The following TXNRD2 variants were observed in gnomAD, a reference collection of about 807,000 sequenced individuals.
TXNRD2 encodes the protein thioredoxin reductase 2, mitochondrial.
In TXNRD2, 67 loss-of-function variants were observed where a neutral mutation model predicts 70.8. The ratio of observed to expected loss-of-function variants is 0.95; its 90% CI spans 0.78 to 1.16. The LOEUF (loss-of-function observed/expected upper bound fraction) is 1.16, where lower values mean the gene tolerates loss of function less well. Ranked by LOEUF, TXNRD2 falls within the 50% of genes most tolerant of loss-of-function variation. TXNRD2 has a pLI of 0.00. For synonymous variants in TXNRD2, 301 were observed against 295.8 expected (o/e 1.02, Z -0.18); for missense variants, 644 against 719.9 (o/e 0.89, Z 1.21).
intron 8 of TXNRD2, among the ~76,000 whole-genome samples, chr22:19,905,929 A>G (rs1304386994): frequency 6.6e-6 from 1 of 151,930 alleles, no homozygotes; most frequent in African/African-American, 2.4e-5. Flanking sequence ...AAAAAAAAAA[A>G]AAATCTTGGG....
chr22:19,878,049 A>C (rs376672570), intron 16 of TXNRD2, 41 bp downstream of exon 16: 2 of 1,540,492 alleles, frequency 1.3e-6, no homozygotes, highest in East Asian at 2.3e-5. Flanking sequence ...AGGGATACCC[A>C]GCTGCACATC....
chr22:19,884,980 G>A (rs1321554755), intron 11 of TXNRD2, among the ~76,000 whole-genome samples: 1 of 152,186 alleles, frequency 6.6e-6, no homozygotes, highest in Non-Finnish European at 1.5e-5. Flanking sequence ...GGGGGCAGCT[G>A]GCTCAGCTGA....
intron 1 of TXNRD2, among the ~76,000 whole-genome samples, chr22:19,934,914 G>C (rs544232620): frequency 1.1e-3 from 174 of 152,224 alleles, no homozygotes; most frequent in African/African-American, 4.1e-3. Flanking sequence ...TCTTAATCCT[G>C]TTATCTTCAT....
intron 8 of TXNRD2, among the ~76,000 whole-genome samples, chr22:19,908,392 A>T (rs1006186279): frequency 1.3e-5 from 2 of 152,148 alleles, no homozygotes; most frequent in African/African-American, 4.8e-5. Context: ...AGCGTATAAG[A>T]CCACCTCACA....
At chr22:19,895,025 A>G in intron 11 of TXNRD2, 1 of 1,546,212 alleles carries the variant, frequency 6.5e-7, no homozygotes, top group Non-Finnish European at 8.7e-7. Flanking sequence ...GGAAGGTGAC[A>G]AGTAGGATTT....
intron 11 of TXNRD2, among the ~76,000 whole-genome samples, chr22:19,891,191 C>T (rs1334222681): frequency 4.6e-5 from 7 of 152,232 alleles, no homozygotes; most frequent in Admixed American, 6.5e-5. Flanking sequence ...AAGATCCAGA[C>T]GGATTCCTTC....
Position 19,877,104 on chromosome 22 carries a change from C to T in TXNRD2, c.*1G>A. 6.3e-7 allele frequency: 1 copy of T among 1,597,534 alleles called. No homozygotes were observed. Among genetic ancestry groups the T allele is most frequent in the Non-Finnish European group, 8.6e-7 (1 of 1,167,612 alleles). ...TGTGCCCTGGCCTGCAGGGATGGCG[C>T]TTACCCTCAGCAGCCTGTCACCGTG... On this transcript the variant is annotated 3_prime_UTR_variant, in exon 17 of 18. Coordinates refer to ENST00000400521, the MANE Select transcript of TXNRD2 (RefSeq NM_006440.5).
intron 1 of TXNRD2, among the ~76,000 whole-genome samples, chr22:19,936,034 A>C (rs1941528150): frequency 1.3e-5 from 2 of 152,200 alleles, no homozygotes; most frequent in Non-Finnish European, 2.9e-5. Flanking sequence ...CACCCTATTC[A>C]GGGCAGTGGA....
intron 15 of TXNRD2, 41 bp downstream of exon 15, chr22:19,878,321 ACCCT>A (rs778062268): frequency 9.3e-6 from 15 of 1,608,174 alleles, no homozygotes; most frequent in Non-Finnish European, 1.3e-5. Flanking sequence ...GCTCTTTGCC[ACCCT>A]CCCTCTCATC....
chr22:19,930,708 G>A (rs9617850), intron 2 of TXNRD2, among the ~76,000 whole-genome samples: 36,149 of 152,146 alleles, frequency 0.24, 5,021 homozygotes, highest in African/African-American at 0.38. Context: ...CCAGAAGCAC[G>A]TGAAGGAAAG....
intron 1 of TXNRD2, among the ~76,000 whole-genome samples, chr22:19,934,748 G>C (rs543588141): frequency 2.0e-5 from 3 of 151,942 alleles, no homozygotes; most frequent in Non-Finnish European, 4.4e-5. Context: ...ACTTTCAGGA[G>C]AGACAGGGTT....
At chr22:19,904,449 A>G (rs1195995628) in intron 8 of TXNRD2, among the ~76,000 whole-genome samples, 4 of 152,224 alleles carry the variant, frequency 2.6e-5, no homozygotes, top group Non-Finnish European at 5.9e-5. Context: ...GATGCAAACA[A>G]AGGAGGAAGG....
intron 12 of TXNRD2, chr22:19,881,094 T>C (rs536295473): frequency 1.2e-4 from 57 of 461,760 alleles, no homozygotes; most frequent in African/African-American, 2.0e-5. Flanking sequence ...TTTCATTCAC[T>C]GGAATCCCCG....
intron 17 of TXNRD2, 89 bp from the exon 18 acceptor site, chr22:19,875,896 C>T (rs1374819700): frequency 6.6e-6 from 1 of 152,244 alleles, no homozygotes; most frequent in Non-Finnish European, 1.5e-5. Context: ...CCAGGGACCC[C>T]CAAGGGAGAT....
intron 2 of TXNRD2, among the ~76,000 whole-genome samples, chr22:19,928,320 C>A (rs766011277): frequency 1.3e-5 from 2 of 152,102 alleles, no homozygotes; most frequent in Non-Finnish European, 2.9e-5. Context: ...GGAAACAATT[C>A]AAGTGTCCAG....
intron 7 of TXNRD2, among the ~76,000 whole-genome samples, chr22:19,914,532 C>T (rs1007211496): frequency 6.6e-6 from 1 of 152,144 alleles, no homozygotes; most frequent in East Asian, 1.9e-4. Flanking sequence ...GGGACACACA[C>T]GTACCAGTTA....
At chr22:19,928,019 C>T (rs1482142934) in intron 2 of TXNRD2, among the ~76,000 whole-genome samples, 2 of 151,728 alleles carry the variant, frequency 1.3e-5, no homozygotes, top group Non-Finnish European at 2.9e-5. Context: ...GTAATCCCAA[C>T]GTTTTGGGAG....
At chr22:19,899,892 CG>C (rs1233774226) in intron 8 of TXNRD2, among the ~76,000 whole-genome samples, 1 of 152,154 alleles carries the variant, frequency 6.6e-6, no homozygotes, top group African/African-American at 2.4e-5. Flanking sequence ...GAACCTAACA[CG>C]AACAAGAACT....
At chr22:19,932,706 G>A (rs73385608) in intron 1 of TXNRD2, among the ~76,000 whole-genome samples, 4,256 of 152,258 alleles carry the variant, frequency 0.028, 147 homozygotes, top group African/African-American at 0.081. Flanking sequence ...CTGCAGACAC[G>A]AGCCTGCCCA....
Sources: gnomAD v4.1 joint callset for allele counts (sites outside exome capture counted in the v4.1 genomes callset) on GRCh38, gnomAD v4.1.1 for gene constraint, MANE v1.5 for transcripts, NCBI Gene and HGNC (gene_info 2026-07-23, HGNC 2026-07-21) for gene names.